OR2V2: variants seen among roughly 807,000 people sequenced by gnomAD.
OR2V2 encodes olfactory receptor family 2 subfamily V member 2.
For missense variants in OR2V2, 392 were observed against 392.2 expected, an observed-to-expected ratio of 1.00 and a Z score of 0.00; for synonymous variants, 161 against 151.3, an observed-to-expected ratio of 1.06 and a Z score of -0.47.
intron 1 of OR2V2, among the ~76,000 whole-genome samples, chr5:181,152,967 A>G (rs1763210292): frequency 6.6e-6 from 1 of 152,258 alleles, no homozygotes; most frequent in Non-Finnish European, 1.5e-5. Context: ...GTTACAAAGC[A>G]GTAGGAAACT....
In OR2V2 at chr5:181,155,805, C is replaced by A. The variant is rs752306634; in HGVS notation, c.863C>A (p.Pro288His). The change falls in exon 2 of 2, where the codon CCC becomes CAC. Residue 288 changes from proline to histidine, a missense_variant. By Grantham distance (77) the Pro-to-His change is moderately conservative. Coordinates refer to ENST00000641492, the MANE Select transcript of OR2V2 (RefSeq NM_206880.2). ...ACGGTCCTTACTCCCATGCTCAACC[C>A]CCTCATTTACAGCTTGAGGAACAGG... Reference protein sequence around the residue: ...FYTVLTPMLNPLIYSLRNREV... With the variant: ...FYTVLTPMLNHLIYSLRNREV... 5 of 1,614,028 alleles carry A rather than the reference C, an allele frequency of 3.1e-6. No individual in the cohort carries two copies. The African/African-American group carries it at 6.7e-5, about 22-fold the overall frequency.
chr5:181,149,858 C>T (rs1356572351), intron 1 of OR2V2, among the ~76,000 whole-genome samples: 3 of 152,178 alleles, frequency 2.0e-5, no homozygotes, highest in African/African-American at 7.2e-5. Context: ...GAAATGTAAA[C>T]ACGGAGTGAA....
chr5:181,155,758 C>A lies in OR2V2; in HGVS notation c.816C>A (p.Asp272Glu), dbSNP rs142784713. 6.2e-7 allele frequency: 1 copy of A among 1,614,182 alleles called. No individual in the cohort carries two copies. The highest frequency in any genetic ancestry group is 1.7e-5 in the Admixed American group (1 of 60,024). ...RPRHYRAPSH[D>E]KVASIFYTVL... ...GGCACTACCGGGCCCCCAGCCATGA[C>A]AAGGTGGCCTCTATCTTCTACACGG... The change falls in exon 2 of 2, where the codon GAC (aspartate) becomes GAA (glutamate). Residue 272 changes from aspartate to glutamate, a missense_variant. Asp to Glu is a conservative substitution (Grantham distance 45). Transcript: ENST00000641492.
chr5:181,157,565 G>T lies in OR2V2; in HGVS notation c.*1675G>T, dbSNP rs1248743541. ...TCTCCAAGGACTGGTGAAAATAGAA[G>T]TAACTTTCCTTAGTCACGGGGCTGC... On this transcript the variant is annotated 3_prime_UTR_variant, in exon 2 of 2. Coordinates refer to ENST00000641492, the MANE Select transcript of OR2V2 (RefSeq NM_206880.2). 1 of 152,234 alleles carries T rather than the reference G, an allele frequency of 6.6e-6. No homozygotes were observed. Among genetic ancestry groups the T allele is most frequent in the Non-Finnish European group, 1.5e-5 (1 of 68,056 alleles). 9.4% of individuals were successfully genotyped at this position (152,234 alleles called of 1,614,324 possible).
At position 181,155,523 on chromosome 5, in the gene OR2V2, C is replaced by T; in HGVS notation, c.581C>T (p.Ser194Phe). ...SLLKLACVDT[S>F]LFEKVIFACC... ...TTGAAGCTGGCCTGTGTAGACACAT[C>T]CCTGTTTGAGAAGGTGATATTTGCT... is the stretch of plus-strand genomic sequence containing the variant. Residue 194 changes from serine to phenylalanine, a missense_variant, in exon 2 of 2, where the codon TCC (serine) becomes TTC (phenylalanine). Transcript: ENST00000641492. The T allele has an allele frequency of 1.2e-6, 2 of 1,614,124 alleles. No homozygotes were observed. Among genetic ancestry groups the T allele is most frequent in the East Asian group, 2.2e-5 (1 of 44,882 alleles).
chr5:181,156,033 A>G lies in OR2V2; in HGVS notation c.*143A>G, dbSNP rs1561631452. 2.0e-6 allele frequency: 1 copy of G among 507,320 alleles called. No homozygotes were observed. The highest frequency in any genetic ancestry group is 3.1e-6 in the Non-Finnish European group (1 of 320,500). 31.4% of individuals were successfully genotyped at this position (507,320 alleles called of 1,614,324 possible). ...GACTTGGAAGGTCTTTTTAAACACT[A>G]CATCAGTTCTTTCTTTCTTTCTTTC... is the stretch of plus-strand genomic sequence containing the variant. On this transcript the variant is annotated 3_prime_UTR_variant, in exon 2 of 2. Transcript: ENST00000641492.
At chr5:181,150,575 G>A (rs749499020) in intron 1 of OR2V2, among the ~76,000 whole-genome samples, 1 of 152,148 alleles carries the variant, frequency 6.6e-6, no homozygotes, top group African/African-American at 2.4e-5. Context: ...TACTCAGCAC[G>A]CAACTGAGTA....
intron 1 of OR2V2, among the ~76,000 whole-genome samples, chr5:181,154,329 C>T (rs950441891): frequency 1.3e-5 from 2 of 152,172 alleles, no homozygotes; most frequent in African/African-American, 4.8e-5. Context: ...GTGGCTCACA[C>T]CTGTAATCCC....
At position 181,156,489 on chromosome 5, in the gene OR2V2, A is replaced by G. The variant is rs1229474436; in HGVS notation, c.*599A>G. ...ACTAATTATTTTACACTATACATTG[A>G]AAATGAATATAGGACATTGTAAATC... On this transcript the variant is annotated 3_prime_UTR_variant, in exon 2 of 2. Coordinates refer to ENST00000641492, the MANE Select transcript of OR2V2 (RefSeq NM_206880.2). 6.6e-6 allele frequency: 1 copy of G among 152,384 alleles called. No individual in the cohort carries two copies. Among genetic ancestry groups the G allele is most frequent in the Non-Finnish European group, 1.5e-5 (1 of 68,166 alleles). 9.4% of individuals were successfully genotyped at this position (152,384 alleles called of 1,614,324 possible).
Position 181,155,187 on chromosome 5 carries a change from T to A in OR2V2, c.245T>A (p.Met82Lys). 1 of 1,614,188 alleles carries A rather than the reference T, an allele frequency of 6.2e-7. No homozygotes were observed. Among genetic ancestry groups the A allele is most frequent in the South Asian group, 1.1e-5 (1 of 91,080 alleles). The change falls in exon 2 of 2, where the codon ATG becomes AAG. Residue 82 changes from methionine to lysine, a missense_variant. Physicochemically the swap from Met to Lys is moderately conservative, Grantham distance 95 (BLOSUM62 -1). Transcript: ENST00000641492. Reference sequence around the variant, plus strand: ...TTGGTCTGTACCAATGTGCCAAAGATGGCAGCCAACTTCCTGTCTGGCAGG... The same window carrying A: ...TTGGTCTGTACCAATGTGCCAAAGAAGGCAGCCAACTTCCTGTCTGGCAGG... ...LMLVCTNVPKMAANFLSGRKS... is the reference protein window; with the variant it reads ...LMLVCTNVPKKAANFLSGRKS...
chr5:181,152,592 T>C (rs978453764), intron 1 of OR2V2, among the ~76,000 whole-genome samples: 1 of 152,236 alleles, frequency 6.6e-6, no homozygotes, highest in African/African-American at 2.4e-5. Context: ...AAATCAGCAT[T>C]GCATTTCCGG....
chr5:181,149,970 G>C (rs758717910), intron 1 of OR2V2, among the ~76,000 whole-genome samples: 4 of 152,250 alleles, frequency 2.6e-5, no homozygotes, highest in Non-Finnish European at 4.4e-5. Flanking sequence ...CACGGTAGTA[G>C]GGCTGGGCAT....
chr5:181,150,302 T>C (rs542878033), intron 1 of OR2V2, among the ~76,000 whole-genome samples: 1 of 152,274 alleles, frequency 6.6e-6, no homozygotes, highest in South Asian at 2.1e-4. Flanking sequence ...AAAGAACATG[T>C]CCTGTGGAAT....
intron 1 of OR2V2, among the ~76,000 whole-genome samples, chr5:181,150,527 T>C (rs561657275): frequency 3.3e-5 from 5 of 152,302 alleles, no homozygotes; most frequent in African/African-American, 1.2e-4. Context: ...TTTCGGAACA[T>C]GGAAACTGCA....
rs746320239 is a variant in OR2V2 at position 181,155,746 on chromosome 5, C to T, written c.804C>T (p.Ala268=). ...FIYLRPRHYR[A]PSHDKVASIF... ...ACCTGAGGCCTAGGCACTACCGGGC[C>T]CCCAGCCATGACAAGGTGGCCTCTA... Residue 268 remains alanine, a synonymous_variant, in exon 2 of 2, where the codon GCC becomes GCT. Coordinates refer to ENST00000641492, the MANE Select transcript of OR2V2 (RefSeq NM_206880.2). 39 of 1,614,066 alleles carry T rather than the reference C, an allele frequency of 2.4e-5. 1 individual carries two copies. In the East Asian group the frequency reaches 8.2e-4, roughly 34 times the overall value.
At chr5:181,149,622 G>A (rs13168151) in intron 1 of OR2V2, among the ~76,000 whole-genome samples, 2 of 152,224 alleles carry the variant, frequency 1.3e-5, no homozygotes, top group Non-Finnish European at 2.9e-5. Context: ...CCTCGTCAGA[G>A]GCTCACAGGT....
chr5:181,155,907 G>A lies in OR2V2; in HGVS notation c.*17G>A. ...CAGCACTGAACCCAGGGCATCCAGT[G>A]CCTGGCTCTGCCATCTCTTAGCTCC... On this transcript the variant is annotated 3_prime_UTR_variant, in exon 2 of 2. Coordinates refer to ENST00000641492, the MANE Select transcript of OR2V2 (RefSeq NM_206880.2). The A allele has an allele frequency of 6.3e-7, 1 of 1,592,706 alleles. No homozygotes were observed. Among genetic ancestry groups the A allele is most frequent in the Non-Finnish European group, 8.6e-7 (1 of 1,164,558 alleles).
rs1214425336 is a variant in OR2V2, at chr5:181,157,795, A to G, written c.*1905A>G. 6.6e-6 allele frequency: 1 copy of G among 152,166 alleles called. No individual in the cohort carries two copies. Among genetic ancestry groups the G allele is most frequent in the Non-Finnish European group, 1.5e-5 (1 of 68,038 alleles). 9.4% of individuals were successfully genotyped at this position (152,166 alleles called of 1,614,324 possible). A position where few individuals can be genotyped will look rare whatever the true frequency, so the allele number is the denominator to read the frequency against. On this transcript the variant is annotated 3_prime_UTR_variant, in exon 2 of 2. Transcript: ENST00000641492. ...TCTTCTCTTCCAGGAAGCATCCCTG[A>G]TTAACCTCATGCCCACTCAGATTTC...
intron 1 of OR2V2, among the ~76,000 whole-genome samples, chr5:181,154,035 A>T (rs1029903607): frequency 6.6e-6 from 1 of 152,184 alleles, no homozygotes; most frequent in Non-Finnish European, 1.5e-5. Flanking sequence ...CACTCGCGGT[A>T]TGACTGACAA....
Sources: gnomAD v4.1 joint callset for allele counts (sites outside exome capture counted in the v4.1 genomes callset) on GRCh38, gnomAD v4.1.1 for gene constraint, MANE v1.5 for transcripts, NCBI Gene and HGNC (gene_info 2026-07-23, HGNC 2026-07-21) for gene names.